Variants in RAVER2 observed in about 807,000 individuals in gnomAD.
RAVER2 encodes the protein ribonucleoprotein PTB-binding 2.
RAVER2 carries 46 observed loss-of-function variants against 78.1 expected under a neutral mutation model. The ratio of observed to expected loss-of-function variants is 0.59; its 90% CI spans 0.46 to 0.75. The LOEUF is 0.75. Ranked by LOEUF, RAVER2 falls within the 30% of genes least tolerant of loss-of-function variation. RAVER2 has a pLI of 0.00. For missense variants in RAVER2, 793 were observed against 837.5 expected, an observed-to-expected ratio of 0.95 and a Z score of 0.66; for synonymous variants, 311 against 313.3, an observed-to-expected ratio of 0.99 and a Z score of 0.08.
At chr1:64,833,048 T>TATC (rs1553157334) in exon 12 of RAVER2, 174 of 177,124 alleles carry the variant, frequency 9.8e-4, no homozygotes, top group African/African-American at 3.9e-3. Flanking sequence ...TGTGCCCCGT[T>TATC]ATCAATCACT....
At chr1:64,799,557 C>G (rs1001481384) in intron 5 of RAVER2, among the ~76,000 whole-genome samples, 6 of 152,172 alleles carry the variant, frequency 3.9e-5, no homozygotes, top group African/African-American at 1.4e-4. Flanking sequence ...ATTCTCATGC[C>G]TCAGCCTCCC....
intron 2 of RAVER2, among the ~76,000 whole-genome samples, chr1:64,773,331 T>G (rs570916512): frequency 1.5e-3 from 226 of 151,848 alleles, no homozygotes; most frequent in Non-Finnish European, 3.0e-3. Context: ...ATGCTATCCC[T>G]CCCCCGCTAC....
At chr1:64,763,953 C>CACAT (rs1057495526) in intron 1 of RAVER2, among the ~76,000 whole-genome samples, 1 of 151,110 alleles carries the variant, frequency 6.6e-6, no homozygotes, top group Non-Finnish European at 1.5e-5. Flanking sequence ...CACACACACA[C>CACAT]ACCCCTACCA....
At chr1:64,761,556 G>A (rs11208520) in intron 1 of RAVER2, among the ~76,000 whole-genome samples, 18,148 of 152,084 alleles carry the variant, frequency 0.12, 1,277 homozygotes, top group East Asian at 0.28. Flanking sequence ...CAGGAATAGA[G>A]AAGAATTTCT....
intron 3 of RAVER2, 120 bp from the exon 4 acceptor site, chr1:64,781,260 G>C (rs755027143): frequency 6.8e-6 from 6 of 886,246 alleles, no homozygotes; most frequent in Non-Finnish European, 6.3e-6. Context: ...GAAAGAATAT[G>C]TTATTTCCAC....
At chr1:64,809,095 A>G (rs1416946203) in intron 9 of RAVER2, among the ~76,000 whole-genome samples, 2 of 152,254 alleles carry the variant, frequency 1.3e-5, no homozygotes, top group South Asian at 2.1e-4. Flanking sequence ...AAGAGTAGTC[A>G]TACAGTATTG....
chr1:64,778,432 CAGAA>C (rs1479968866), intron 3 of RAVER2, among the ~76,000 whole-genome samples: 1 of 152,090 alleles, frequency 6.6e-6, no homozygotes, highest in East Asian at 1.9e-4. Context: ...TGCCAAGTGT[CAGAA>C]AGGCAGAGAA....
At chr1:64,808,286 T>C (rs1258627430) in intron 9 of RAVER2, among the ~76,000 whole-genome samples, 1 of 152,094 alleles carries the variant, frequency 6.6e-6, no homozygotes, top group East Asian at 1.9e-4. Context: ...GTAAGTGGTA[T>C]AAAACTTAGG....
At chr1:64,750,526 G>T (rs1423373237) in intron 1 of RAVER2, among the ~76,000 whole-genome samples, 1 of 151,714 alleles carries the variant, frequency 6.6e-6, no homozygotes. Context: ...GCCCAGGCTG[G>T]TCATAATCTT....
intron 1 of RAVER2, among the ~76,000 whole-genome samples, chr1:64,763,408 G>C (rs1181467109): frequency 6.6e-6 from 1 of 152,152 alleles, no homozygotes; most frequent in Admixed American, 6.5e-5. Flanking sequence ...CATATTAAAA[G>C]GTCAGTAATA....
intron 3 of RAVER2, 50 bp from the exon 4 acceptor site, chr1:64,781,330 G>A (rs780010397): frequency 7.0e-7 from 1 of 1,436,638 alleles, no homozygotes; most frequent in Non-Finnish European, 9.3e-7. Flanking sequence ...GTAAATAAAT[G>A]TTTCTAAGTA....
At chr1:64,764,346 A>G (rs1266872788) in intron 1 of RAVER2, among the ~76,000 whole-genome samples, 1 of 147,264 alleles carries the variant, frequency 6.8e-6, no homozygotes, top group Admixed American at 6.8e-5. Flanking sequence ...CCCATATAGG[A>G]AAAAAAAAAA....
intron 1 of RAVER2, among the ~76,000 whole-genome samples, chr1:64,753,148 C>T (rs1047001584): frequency 2.0e-5 from 3 of 152,174 alleles, no homozygotes; most frequent in African/African-American, 4.8e-5. Context: ...CGACCTTCCT[C>T]GCTCAAGCAA....
intron 1 of RAVER2, among the ~76,000 whole-genome samples, chr1:64,761,880 C>A (rs1652032708): frequency 6.6e-6 from 1 of 151,640 alleles, no homozygotes; most frequent in South Asian, 2.1e-4. Flanking sequence ...GAGGCCGAGG[C>A]AGGTGTATTG....
In RAVER2 at chr1:64,820,251, CAT is replaced by C. The variant is rs553892340; in HGVS notation, c.1929+5412_1929+5413del. Reference sequence around the variant, plus strand: ...TTTAATTACAATGAAATTATGAAAACATGTGATTAAGCCAAAATATGCCAGGA... The same window carrying C: ...TTTAATTACAATGAAATTATGAAAACGTGATTAAGCCAAAATATGCCAGGA... On this transcript the variant is annotated intron_variant, in intron 11 of 11. Transcript: ENST00000294428. Among the ~76,000 whole-genome samples, 850 of 152,032 alleles carry C rather than the reference CAT, an allele frequency of 5.6e-3. 11 individuals are homozygous for C. Among genetic ancestry groups the C allele is most frequent in the African/African-American group, 0.019 (772 of 41,474 alleles).
chr1:64,757,385 T>C (rs1255669575), intron 1 of RAVER2, among the ~76,000 whole-genome samples: 1 of 152,134 alleles, frequency 6.6e-6, no homozygotes, highest in Non-Finnish European at 1.5e-5. Flanking sequence ...GTCATAAGGG[T>C]GGGTTCCTGA....
chr1:64,781,422 G>T (rs1317180492), exon 4 of RAVER2: 1 of 1,612,928 alleles, frequency 6.2e-7, no homozygotes. Context: ...CTTTGCAGTG[G>T]TTGAATATAG....
At chr1:64,780,444 C>A (rs1174072614) in intron 3 of RAVER2, among the ~76,000 whole-genome samples, 1 of 151,938 alleles carries the variant, frequency 6.6e-6, no homozygotes, top group Non-Finnish European at 1.5e-5. Flanking sequence ...TCTAAATATA[C>A]AAGGAAGTAG....
intron 11 of RAVER2, among the ~76,000 whole-genome samples, chr1:64,826,146 C>G (rs1300863243): frequency 1.3e-5 from 2 of 152,184 alleles, no homozygotes; most frequent in South Asian, 2.1e-4. Context: ...CTCATTCAAC[C>G]AGTATATACT....
Sources: gnomAD v4.1 joint callset for allele counts (sites outside exome capture counted in the v4.1 genomes callset) on GRCh38, gnomAD v4.1.1 for gene constraint, MANE v1.5 for transcripts, NCBI Gene and HGNC (gene_info 2026-07-23, HGNC 2026-07-21) for gene names.